The following HERC2 variants were observed in gnomAD, a reference collection of about 807,000 sequenced individuals.
HERC2 encodes HECT and RLD domain containing E3 ubiquitin protein ligase 2.
Under a neutral mutation model 537.7 loss-of-function variants are expected in HERC2, and 102 were observed. The ratio of observed to expected loss-of-function variants is 0.19; its 90% CI spans 0.16 to 0.22. The LOEUF is 0.22. HERC2 is among the 10% of genes least tolerant of loss of function. HERC2 has a pLI of 1.00. For missense variants in HERC2, 4,236 were observed against 6,198.2 expected (o/e 0.68, Z 10.63); for synonymous variants, 2,224 against 2,466.2 (o/e 0.90, Z 2.91).
intron 4 of HERC2, among the ~76,000 whole-genome samples, chr15:28,284,917 C>CG (rs1271271636): frequency 2.3e-3 from 130 of 56,988 alleles, no homozygotes; most frequent in African/African-American, 6.9e-3. Flanking sequence ...AACTCCGTCT[C>CG]GGAAAAAAAA....
chr15:28,301,735 GTATATATATATATATATATA>G lies in HERC2; in HGVS notation c.73-2239_73-2220del, dbSNP rs55977156. ...GGATACACACTAGTTGTATGTATGT[GTATATATATATATATATATA>G]TATATATATATATATATATATATAT... On this transcript the variant is annotated intron_variant, in intron 2 of 92. Transcript: ENST00000261609. 1.6e-3 allele frequency among the ~76,000 whole-genome samples: 57 copies of G among 35,380 alleles called. 4 individuals carry two copies. Among genetic ancestry groups the G allele is most frequent in the South Asian group, 2.8e-3 (2 of 726 alleles). The allele number at this position is 35,380 out of a possible 152,430, so 23.2% of individuals were successfully genotyped here.
intron 3 of HERC2, among the ~76,000 whole-genome samples, chr15:28,293,316 A>AC (rs1233835562): frequency 4.6e-5 from 7 of 151,940 alleles, no homozygotes; most frequent in Non-Finnish European, 1.0e-4. Context: ...ACACGGTGAA[A>AC]CCCCATCTCT....
At chr15:28,314,113 T>G (rs1016218500) in intron 2 of HERC2, among the ~76,000 whole-genome samples, 2 of 152,216 alleles carry the variant, frequency 1.3e-5, no homozygotes, top group African/African-American at 4.8e-5. Flanking sequence ...GGGGAAGTTA[T>G]TGTTACCCAG....
At chr15:28,191,562 C>A (rs938798457) in intron 53 of HERC2, among the ~76,000 whole-genome samples, 1 of 152,324 alleles carries the variant, frequency 6.6e-6, no homozygotes, top group East Asian at 1.9e-4. Context: ...TAAAGTCTGA[C>A]CTGTGTGCCC....
chr15:28,267,344 G>A (rs2075596629), intron 12 of HERC2, among the ~76,000 whole-genome samples: 2 of 152,236 alleles, frequency 1.3e-5, no homozygotes, highest in South Asian at 2.1e-4. Context: ...CCTAGAATAA[G>A]GCGTAAGTTA....
At chr15:28,214,618 C>A in intron 40 of HERC2, 37 bp downstream of exon 40, 1 of 1,609,610 alleles carries the variant, frequency 6.2e-7, no homozygotes, top group South Asian at 1.1e-5. Flanking sequence ...CTGCGCCGCT[C>A]TTCACCAGGG....
intron 23 of HERC2, 31 bp from the exon 24 acceptor site, chr15:28,238,803 T>C: frequency 4.0e-6 from 6 of 1,495,328 alleles, no homozygotes; most frequent in Non-Finnish European, 4.7e-6. Flanking sequence ...ATCAGTCCAT[T>C]GATCAATCAA....
chr15:28,285,582 A>G (rs749513839), intron 4 of HERC2, among the ~76,000 whole-genome samples: 2 of 152,068 alleles, frequency 1.3e-5, no homozygotes, highest in Non-Finnish European at 2.9e-5. Context: ...AATAAATGAT[A>G]TATTAGAAAC....
chr15:28,199,887 T>C (rs1897728594), intron 48 of HERC2, among the ~76,000 whole-genome samples: 1 of 152,126 alleles, frequency 6.6e-6, no homozygotes, highest in Non-Finnish European at 1.5e-5. Context: ...TGTAAGACAT[T>C]TGGAGGACAT....
At chr15:28,309,706 GC>G (rs1308195006) in intron 2 of HERC2, among the ~76,000 whole-genome samples, 1 of 151,850 alleles carries the variant, frequency 6.6e-6, no homozygotes, top group Non-Finnish European at 1.5e-5. Flanking sequence ...CTTGACTACA[GC>G]CTGTGACACC....
At chr15:28,271,562 G>A (rs371551387) in intron 9 of HERC2, among the ~76,000 whole-genome samples, 5 of 152,104 alleles carry the variant, frequency 3.3e-5, no homozygotes, top group Admixed American at 6.5e-5. Context: ...CCAGCTACTC[G>A]GGAGGCTGAG....
intron 56 of HERC2, among the ~76,000 whole-genome samples, chr15:28,183,728 G>T (rs1185778557): frequency 1.3e-5 from 2 of 152,108 alleles, no homozygotes; most frequent in Admixed American, 6.5e-5. Context: ...CTTCCAGACA[G>T]GTATCACTTT....
rs184750726 is a variant in HERC2, at chr15:28,306,147, A to G, written c.73-6631T>C. Among the ~76,000 whole-genome samples, 4 of 152,334 alleles carry G rather than the reference A, an allele frequency of 2.6e-5. No individual in the cohort carries two copies. The East Asian group carries it at 7.7e-4, about 29-fold the overall frequency. On this transcript the variant is annotated intron_variant, in intron 2 of 92. Transcript: ENST00000261609. ...ACAGTGGGCATCCGTGTCTTGTTCC[A>G]GATCTTAGAGGAAAGGCTTTCAGTT...
intron 3 of HERC2, among the ~76,000 whole-genome samples, chr15:28,293,539 C>G (rs60694069): frequency 1.3e-5 from 2 of 151,200 alleles, no homozygotes; most frequent in African/African-American, 4.9e-5. Flanking sequence ...TTATTTAAAG[C>G]ATGTCTTCCA....
chr15:28,171,282 G>GT (rs759683313), intron 65 of HERC2, among the ~76,000 whole-genome samples: 5 of 152,194 alleles, frequency 3.3e-5, no homozygotes, highest in Non-Finnish European at 7.3e-5. Flanking sequence ...AACATACTAT[G>GT]TAATATGTAA....
chr15:28,133,689 G>C (rs768643545), intron 79 of HERC2, among the ~76,000 whole-genome samples: 1 of 152,154 alleles, frequency 6.6e-6, no homozygotes, highest in African/African-American at 2.4e-5. Flanking sequence ...AAAACCACTT[G>C]TTGAAAATAG....
intron 9 of HERC2, among the ~76,000 whole-genome samples, chr15:28,271,799 G>A (rs1157735794): frequency 6.6e-6 from 1 of 152,196 alleles, no homozygotes; most frequent in African/African-American, 2.4e-5. Flanking sequence ...AGTCCTGGAG[G>A]TTTAGGCCCA....
chr15:28,190,065 G>C (rs563573285), intron 55 of HERC2: 1 of 147,628 alleles, frequency 6.8e-6, no homozygotes, highest in South Asian at 2.1e-4. Flanking sequence ...CTGGAGTGCA[G>C]TGGCACGATC....
Position 28,196,526 on chromosome 15 carries a change from C to G in HERC2, c.8055G>C (p.Gln2685His). ...NGKDIIVDFP[Q>H]QSHWTGLLSE... ...ATAGCAACCCAGTCCAGTGAGACTG[C>G]TGGGGAAAGTCGACAATGATATCTT... is the stretch of plus-strand genomic sequence containing the variant. Residue 2685 changes from glutamine to histidine, a missense_variant, in exon 51 of 93, where the codon CAG becomes CAC. Physicochemically the swap from Gln to His is conservative, Grantham distance 24. Around this residue, in one of 27 missense-constraint regions of HERC2, gnomAD observed 606 missense variants for 884.5 expected, o/e 0.69. Coordinates refer to ENST00000261609, the MANE Select transcript of HERC2 (RefSeq NM_004667.6). 6.2e-7 allele frequency: 1 copy of G among 1,613,548 alleles called. No homozygotes were observed. Among genetic ancestry groups the G allele is most frequent in the South Asian group, 1.1e-5 (1 of 91,060 alleles).
Sources: gnomAD v4.1 joint callset for allele counts (sites outside exome capture counted in the v4.1 genomes callset) on GRCh38, gnomAD v4.1.1 for gene constraint, gnomAD v4.1.1 regional missense constraint, MANE v1.5 for transcripts, NCBI Gene and HGNC (gene_info 2026-07-23, HGNC 2026-07-21) for gene names.